RGS6: variants seen among roughly 807,000 people sequenced by gnomAD.
RGS6 encodes regulator of G-protein signaling 6.
In RGS6, 30 loss-of-function variants were observed where a neutral mutation model predicts 78.5. The observed-to-expected ratio is 0.38, with a 90% CI of 0.29 to 0.52. The LOEUF is 0.52. Ranked by LOEUF, RGS6 falls within the 20% of genes least tolerant of loss-of-function variation. The pLI is 0.85. For missense variants in RGS6, 495 were observed against 609.7 expected (o/e 0.81, Z 1.98); for synonymous variants, 206 against 206.0 (o/e 1.00, Z 0.00).
At chr14:72,359,563 G>A (rs1312120518) in intron 3 of RGS6, among the ~76,000 whole-genome samples, 2 of 152,150 alleles carry the variant, frequency 1.3e-5, no homozygotes, top group East Asian at 3.8e-4. Flanking sequence ...ACAGTATTTA[G>A]AGCCATAGGA....
intron 2 of RGS6, among the ~76,000 whole-genome samples, chr14:71,988,956 T>G (rs1451886774): frequency 6.6e-6 from 1 of 152,170 alleles, no homozygotes; most frequent in Non-Finnish European, 1.5e-5. Context: ...TTGATGAGAT[T>G]TTTGTTTGTT....
chr14:72,442,901 T>C (rs2095255610), intron 3 of RGS6, among the ~76,000 whole-genome samples: 1 of 152,196 alleles, frequency 6.6e-6, no homozygotes, highest in Non-Finnish European at 1.5e-5. Flanking sequence ...AACTGGAAAT[T>C]GATCTGGGAG....
intron 2 of RGS6, among the ~76,000 whole-genome samples, chr14:72,154,828 T>A (rs1443807183): frequency 1.3e-5 from 2 of 152,208 alleles, no homozygotes; most frequent in African/African-American, 4.8e-5. Flanking sequence ...CTTTTCCCCA[T>A]CAGTATTCCC....
chr14:72,273,022 G>A (rs902282491), intron 2 of RGS6, among the ~76,000 whole-genome samples: 4 of 151,888 alleles, frequency 2.6e-5, no homozygotes, highest in South Asian at 2.1e-4. Context: ...AAGCTGAGGC[G>A]GGAGAATCTC....
intron 9 of RGS6, among the ~76,000 whole-genome samples, chr14:72,473,398 C>T (rs1361928687): frequency 1.3e-5 from 2 of 152,040 alleles, no homozygotes; most frequent in Non-Finnish European, 2.9e-5. Context: ...GAGCCGAGAG[C>T]GCACCACTGC....
At chr14:72,392,406 G>A (rs1044619122) in intron 3 of RGS6, among the ~76,000 whole-genome samples, 24 of 152,094 alleles carry the variant, frequency 1.6e-4, no homozygotes, top group Admixed American at 3.3e-4. Context: ...AAGACCCACC[G>A]GAACTCAGGT....
At chr14:72,372,191 C>T (rs2083643956) in intron 3 of RGS6, among the ~76,000 whole-genome samples, 1 of 152,136 alleles carries the variant, frequency 6.6e-6, no homozygotes, top group African/African-American at 2.4e-5. Context: ...ATTATATATA[C>T]AAAACTTTAA....
chr14:72,052,925 T>TTTTCTTTC lies in RGS6; in HGVS notation c.84+88104_84+88111dup, dbSNP rs759527358. 7.0e-3 allele frequency among the ~76,000 whole-genome samples: 841 copies of TTTTCTTTC among 120,370 alleles called. 54 individuals are homozygous for TTTTCTTTC. The highest frequency in any genetic ancestry group is 0.013 in the Middle Eastern group (3 of 240). The allele number at this position is 120,370 out of a possible 152,430, so 79.0% of individuals were successfully genotyped here. A position where few individuals can be genotyped will look rare whatever the true frequency, so the allele number is the denominator to read the frequency against. On this transcript the variant is annotated intron_variant, in intron 2 of 17. Transcript: ENST00000553525. ...GCACATGTTCAGAGTTTCATTGTAT[T>TTTTCTTTC]TTTCTTTCTTTCTTTCTTTCTTTCT...
chr14:72,489,166 C>T (rs1381173232), intron 12 of RGS6, among the ~76,000 whole-genome samples: 2 of 151,224 alleles, frequency 1.3e-5, no homozygotes, highest in Non-Finnish European at 1.5e-5. Context: ...GCCCCCCCAC[C>T]GGCTGTTTGC....
chr14:72,022,662 A>C (rs2088929493), intron 2 of RGS6: 1 of 152,170 alleles, frequency 6.6e-6, no homozygotes, highest in South Asian at 2.1e-4. Flanking sequence ...ACCAAGCTTC[A>C]CATACCCTGC....
chr14:72,501,449 G>C (rs539513252), intron 13 of RGS6, among the ~76,000 whole-genome samples: 6 of 152,286 alleles, frequency 3.9e-5, no homozygotes, highest in African/African-American at 1.4e-4. Context: ...TCAAGTTTAT[G>C]CAACATAGTG....
At chr14:72,074,940 CT>C (rs2094525566) in intron 2 of RGS6, among the ~76,000 whole-genome samples, 1 of 152,134 alleles carries the variant, frequency 6.6e-6, no homozygotes, top group Admixed American at 6.6e-5. Context: ...AGCTTCCATT[CT>C]TACTGATGTG....
intron 2 of RGS6, among the ~76,000 whole-genome samples, chr14:72,179,697 A>G (rs558608107): frequency 8.0e-6 from 1 of 125,316 alleles, no homozygotes; most frequent in African/African-American, 3.1e-5. Flanking sequence ...GAAGGGGGTT[A>G]TACTTTTAGG....
At chr14:72,320,626 CTT>C (rs375956019) in intron 2 of RGS6, among the ~76,000 whole-genome samples, 2,661 of 151,312 alleles carry the variant, frequency 0.018, 34 homozygotes, top group Non-Finnish European at 0.027. Context: ...CTATTAAAGA[CTT>C]TATCTAAGAG....
intron 3 of RGS6, among the ~76,000 whole-genome samples, chr14:72,438,300 C>T (rs78076929): frequency 5.9e-5 from 9 of 152,244 alleles, no homozygotes; most frequent in Admixed American, 2.0e-4. Flanking sequence ...TCTTCTCTCT[C>T]TGCATTTTCT....
chr14:71,879,479 C>T, the RGS6 span, among the ~76,000 whole-genome samples: 13 of 152,116 alleles, frequency 8.5e-5, no homozygotes, highest in Non-Finnish European at 2.9e-5. Context: ...AGCCAAATCT[C>T]ATCTTGAATT....
chr14:72,210,116 T>C (rs2043718673), intron 2 of RGS6, among the ~76,000 whole-genome samples: 2 of 152,158 alleles, frequency 1.3e-5, no homozygotes, highest in South Asian at 4.1e-4. Context: ...TCCTTTAGAG[T>C]TGGAATTTTG....
intron 2 of RGS6, among the ~76,000 whole-genome samples, chr14:72,182,388 C>T (rs945841401): frequency 1.0e-4 from 14 of 134,214 alleles, no homozygotes; most frequent in Middle Eastern, 4.8e-3. Context: ...TGCTGTGAGT[C>T]GAGATCGTGC....
At chr14:71,941,749 A>T (rs956771727) in intron 1 of RGS6, among the ~76,000 whole-genome samples, 6 of 152,198 alleles carry the variant, frequency 3.9e-5, no homozygotes, top group Non-Finnish European at 8.8e-5. Context: ...TTAAGGGTGG[A>T]TCTGCCTTCC....
Sources: allele counts gnomAD v4.1 joint callset (sites outside exome capture counted in the v4.1 genomes callset), GRCh38; gene constraint gnomAD v4.1.1; transcripts MANE v1.5; gene names NCBI Gene and HGNC (gene_info 2026-07-23, HGNC 2026-07-21).